Variants in RAVER2 observed in about 807,000 individuals in gnomAD.
RAVER2 encodes the protein ribonucleoprotein, PTB binding 2, also known as ribonucleoprotein PTB-binding 2.
RAVER2 carries 46 observed loss-of-function variants against 78.1 expected under a neutral mutation model. That is an observed-to-expected ratio of 0.59 (90% CI 0.46 to 0.75). The LOEUF (loss-of-function observed/expected upper bound fraction) is 0.75, where lower values mean the gene tolerates loss of function less well. Among genes scored for constraint, RAVER2 ranks in the 30% least tolerant of loss-of-function variants. The pLI, the probability that RAVER2 is intolerant of heterozygous loss-of-function variation, is 0.00. For missense variants in RAVER2, 793 were observed against 837.5 expected (o/e 0.95, Z 0.66); for synonymous variants, 311 against 313.3 (o/e 0.99, Z 0.08).
At chr1:64,827,191 G>A (rs549238857) in intron 11 of RAVER2, among the ~76,000 whole-genome samples, 41 of 152,304 alleles carry the variant, frequency 2.7e-4, no homozygotes, top group African/African-American at 7.7e-4. Context: ...GTCACTGTGC[G>A]TCTTAAGATT....
intron 11 of RAVER2, among the ~76,000 whole-genome samples, chr1:64,823,292 C>A (rs890504676): frequency 3.9e-5 from 6 of 152,176 alleles, no homozygotes; most frequent in African/African-American, 1.4e-4. Context: ...AATTAGAAAT[C>A]AGTTTTAAAT....
intron 3 of RAVER2, among the ~76,000 whole-genome samples, chr1:64,779,908 T>G (rs1196228785): frequency 6.6e-6 from 1 of 152,042 alleles, no homozygotes; most frequent in Non-Finnish European, 1.5e-5. Flanking sequence ...AGTGGAAAAT[T>G]AACTACATCA....
chr1:64,830,334 C>T (rs1654096512), intron 11 of RAVER2, among the ~76,000 whole-genome samples: 1 of 152,144 alleles, frequency 6.6e-6, no homozygotes, highest in African/African-American at 2.4e-5. Flanking sequence ...TCTGAGTTTC[C>T]CATTGCTCTC....
At chr1:64,799,008 T>A (rs1653181969) in intron 5 of RAVER2, among the ~76,000 whole-genome samples, 1 of 152,218 alleles carries the variant, frequency 6.6e-6, no homozygotes, top group South Asian at 2.1e-4. Context: ...CACCCTACAG[T>A]ACTATAGAAC....
exon 2 of RAVER2, chr1:64,768,693 A>G (rs1375846600): frequency 1.3e-6 from 2 of 1,562,960 alleles, no homozygotes; most frequent in Non-Finnish European, 1.8e-6. Context: ...GACTTAAAAT[A>G]TTGTTATGTG....
Position 64,745,184 on chromosome 1 carries a change from G to A in RAVER2, c.12G>A (p.Ala4=). 9.8e-7 allele frequency: 1 copy of A among 1,020,548 alleles called. No individual in the cohort carries two copies. Among genetic ancestry groups the A allele is most frequent in the Non-Finnish European group, 1.2e-6 (1 of 854,778 alleles). 63.2% of individuals were successfully genotyped at this position (1,020,548 alleles called of 1,614,324 possible). A position where few individuals can be genotyped will look rare whatever the true frequency, so the allele number is the denominator to read the frequency against. ...GGGCGCCCGGGAAGATGGCGGCGGC[G>A]GCGGGAGACGGCGGCGGCGAGGGGG... The change falls in exon 1 of 12, where the codon GCG becomes GCA. Residue 4 remains alanine, a synonymous_variant. Transcript: ENST00000294428. This position sits in a 1 kb window ranked among gnomAD's most constrained non-coding sequence, Gnocchi z 4.3.
intron 5 of RAVER2, among the ~76,000 whole-genome samples, chr1:64,799,716 C>T (rs759096764): frequency 6.6e-6 from 1 of 152,176 alleles, no homozygotes; most frequent in Non-Finnish European, 1.5e-5. Context: ...GCTGGGATTA[C>T]AGGTGTGAGC....
intron 4 of RAVER2, among the ~76,000 whole-genome samples, chr1:64,782,183 C>T (rs576703063): frequency 1.3e-5 from 2 of 152,158 alleles, no homozygotes; most frequent in Non-Finnish European, 2.9e-5. Flanking sequence ...TGATTACAGG[C>T]GTGAGCCACC....
intron 11 of RAVER2, among the ~76,000 whole-genome samples, chr1:64,820,024 TA>T (rs1381703307): frequency 1.1e-4 from 17 of 152,190 alleles, no homozygotes; most frequent in African/African-American, 4.1e-4. Flanking sequence ...GTTTATAATG[TA>T]TATAGATATA....
chr1:64,798,697 C>G (rs1328794117), intron 5 of RAVER2, among the ~76,000 whole-genome samples: 3 of 152,052 alleles, frequency 2.0e-5, no homozygotes, highest in Non-Finnish European at 4.4e-5. Flanking sequence ...ATTAATTTAA[C>G]AAGAAGGGAT....
intron 5 of RAVER2, among the ~76,000 whole-genome samples, chr1:64,789,857 CTCT>C (rs1472944620): frequency 6.6e-5 from 10 of 152,250 alleles, no homozygotes; most frequent in Admixed American, 3.3e-4. Context: ...AGAATTAATA[CTCT>C]TCTATGTAAT....
At chr1:64,805,165 G>A (rs1052672512) in intron 8 of RAVER2, 60 bp downstream of exon 8, 1 of 1,428,706 alleles carries the variant, frequency 7.0e-7, no homozygotes, top group Non-Finnish European at 9.7e-7. Context: ...TTTAAAGATA[G>A]TTTACCTATG....
At chr1:64,768,611 A>C (rs774809551) in intron 1 of RAVER2, 45 bp from the exon 2 acceptor site, 1 of 1,204,806 alleles carries the variant, frequency 8.3e-7, no homozygotes, top group Non-Finnish European at 1.2e-6. Flanking sequence ...TTATCTAGTA[A>C]CTGCATTTGT....
At chr1:64,809,099 A>G (rs529092577) in intron 9 of RAVER2, among the ~76,000 whole-genome samples, 1 of 152,352 alleles carries the variant, frequency 6.6e-6, no homozygotes, top group African/African-American at 2.4e-5. Context: ...GTAGTCATAC[A>G]GTATTGTGTG....
chr1:64,758,462 C>T (rs1651913942), intron 1 of RAVER2, among the ~76,000 whole-genome samples: 1 of 151,906 alleles, frequency 6.6e-6, no homozygotes, highest in Admixed American at 6.6e-5. Context: ...GGGCTGGAAG[C>T]CTTAGGGGAA....
At chr1:64,763,323 A>G (rs1360932625) in intron 1 of RAVER2, among the ~76,000 whole-genome samples, 2 of 152,308 alleles carry the variant, frequency 1.3e-5, no homozygotes, top group East Asian at 3.9e-4. Context: ...CTACGAGTTA[A>G]TAAAAAAGAT....
intron 5 of RAVER2, among the ~76,000 whole-genome samples, chr1:64,801,603 C>T (rs1328716315): frequency 6.6e-6 from 1 of 150,908 alleles, no homozygotes; most frequent in Non-Finnish European, 1.5e-5. Flanking sequence ...GGCGCGGTGG[C>T]TCACGCCTGT....
chr1:64,748,025 C>G (rs1388351469), intron 1 of RAVER2, among the ~76,000 whole-genome samples: 1 of 151,912 alleles, frequency 6.6e-6, no homozygotes, highest in Non-Finnish European at 1.5e-5. Flanking sequence ...TTTGGTATAG[C>G]AGATTTATAA....
intron 11 of RAVER2, among the ~76,000 whole-genome samples, chr1:64,818,661 C>T (rs1305461579): frequency 6.6e-6 from 1 of 152,180 alleles, no homozygotes; most frequent in Non-Finnish European, 1.5e-5. Context: ...GAAAACATCA[C>T]TGTATGGTAT....
Sources: gnomAD v4.1 joint callset for allele counts (sites outside exome capture counted in the v4.1 genomes callset) on GRCh38, gnomAD v4.1.1 for gene constraint, Gnocchi (gnomAD v3.1) non-coding constraint, MANE v1.5 for transcripts, NCBI Gene and HGNC (gene_info 2026-07-23, HGNC 2026-07-21) for gene names.